The following ERC1 variants were observed in gnomAD, a reference collection of about 807,000 sequenced individuals.
The protein encoded by ERC1 is RAB6 interacting protein 2.
ERC1 carries 56 observed loss-of-function variants against 132.0 expected under a neutral mutation model. That is an observed-to-expected ratio of 0.42 (90% CI 0.34 to 0.53). The LOEUF (loss-of-function observed/expected upper bound fraction) is 0.53, where lower values mean the gene tolerates loss of function less well. Among genes scored for constraint, ERC1 ranks in the 20% least tolerant of loss-of-function variants. The probability of loss-of-function intolerance (pLI) is 0.03; values close to 1 mark genes in which losing one functional copy is unlikely to be tolerated. For missense variants in ERC1, 1,202 were observed against 1,349.9 expected (o/e 0.89, Z 1.72); for synonymous variants, 478 against 476.1 (o/e 1.00, Z -0.05).
chr12:1,263,496 A>G (rs1355638867), intron 14 of ERC1, among the ~76,000 whole-genome samples: 1 of 152,204 alleles, frequency 6.6e-6, no homozygotes, highest in African/African-American at 2.4e-5. Flanking sequence ...ATAAAGTTGT[A>G]TGAGAATTGA....
intron 15 of ERC1, among the ~76,000 whole-genome samples, chr12:1,334,821 A>C (rs1457226042): frequency 6.6e-6 from 1 of 152,190 alleles, no homozygotes; most frequent in Non-Finnish European, 1.5e-5. Context: ...TGCTTTGTTC[A>C]GTGTGGCCAT....
At chr12:1,242,959 G>A (rs977292030) in intron 13 of ERC1, among the ~76,000 whole-genome samples, 12 of 151,788 alleles carry the variant, frequency 7.9e-5, no homozygotes, top group Non-Finnish European at 1.5e-4. Context: ...AGGCCGAGGC[G>A]GGTGGATCAT....
chr12:1,249,440 CCT>C (rs562543528), intron 13 of ERC1, among the ~76,000 whole-genome samples: 1 of 152,172 alleles, frequency 6.6e-6, no homozygotes, highest in Non-Finnish European at 1.5e-5. Flanking sequence ...CTGCCTAAAT[CCT>C]CGCAGTTGGA....
intron 13 of ERC1, among the ~76,000 whole-genome samples, chr12:1,239,262 C>T (rs974507574): frequency 2.6e-5 from 4 of 152,168 alleles, no homozygotes; most frequent in African/African-American, 9.6e-5. Context: ...ACTATGTTGC[C>T]TTAGGCTGTT....
rs549365035 is a variant in ERC1 at position 1,451,438 on chromosome 12, C to T, written c.3213+6688C>T. ...GACTAGCCTGGACAACGGTGAAGCCCTTATCTCTACAAAAATTTAAATTTA... is the reference window on the plus strand; with the variant it reads ...GACTAGCCTGGACAACGGTGAAGCCTTTATCTCTACAAAAATTTAAATTTA... On this transcript the variant is annotated intron_variant, in intron 18 of 18. Coordinates refer to ENST00000360905, the MANE Select transcript of ERC1 (RefSeq NM_178040.4). Among the ~76,000 whole-genome samples the T allele has an allele frequency of 3.7e-3, 558 of 151,622 alleles. 5 individuals carry two copies. The highest frequency in any genetic ancestry group is 0.013 in the African/African-American group (523 of 41,024).
intron 15 of ERC1, among the ~76,000 whole-genome samples, chr12:1,307,071 T>C (rs2080937631): frequency 6.6e-6 from 1 of 152,200 alleles, no homozygotes; most frequent in African/African-American, 2.4e-5. Context: ...GTGTCTCATC[T>C]CTTTGATCGC....
chr12:1,007,540 C>CTGTGTGTG (rs10570281), intron 1 of ERC1, among the ~76,000 whole-genome samples: 236 of 122,676 alleles, frequency 1.9e-3, no homozygotes, highest in East Asian at 4.9e-3. Flanking sequence ...CTCTCTCTCT[C>CTGTGTGTG]TGTGTGTGTG....
intron 15 of ERC1, among the ~76,000 whole-genome samples, chr12:1,336,265 A>G (rs1347225205): frequency 6.7e-6 from 1 of 150,162 alleles, no homozygotes; most frequent in African/African-American, 2.4e-5. Context: ...GTTCACCTCT[A>G]ATTTTTATTT....
At chr12:1,460,354 G>A (rs1041167571) in intron 18 of ERC1, among the ~76,000 whole-genome samples, 1 of 152,174 alleles carries the variant, frequency 6.6e-6, no homozygotes. Context: ...CCAACCCCAA[G>A]GTAACACCCA....
intron 18 of ERC1, among the ~76,000 whole-genome samples, chr12:1,473,707 G>A (rs895203476): frequency 2.0e-5 from 3 of 151,668 alleles, no homozygotes; most frequent in Admixed American, 1.3e-4. Flanking sequence ...TACCACTTCC[G>A]GCCCACTTGC....
chr12:1,371,296 C>T (rs1405935423), intron 15 of ERC1, among the ~76,000 whole-genome samples: 1 of 152,122 alleles, frequency 6.6e-6, no homozygotes, highest in Non-Finnish European at 1.5e-5. Flanking sequence ...AGTATTTGTC[C>T]TTCTGTGACT....
At chr12:1,440,236 GCT>G (rs1491522259) in intron 17 of ERC1, among the ~76,000 whole-genome samples, 1 of 109,162 alleles carries the variant, frequency 9.2e-6, no homozygotes, top group East Asian at 2.6e-4. Flanking sequence ...ACAGAGTCTT[GCT>G]CTGTCGCCCA....
At chr12:1,226,729 T>G (rs1408629659) in intron 12 of ERC1, among the ~76,000 whole-genome samples, 1 of 152,174 alleles carries the variant, frequency 6.6e-6, no homozygotes. Flanking sequence ...CAGGCTGGAG[T>G]GCAGTGGCGT....
rs182658716 is a variant in ERC1, at chr12:1,082,230, G to A, written c.670-934G>A. On this transcript the variant is annotated intron_variant, in intron 2 of 18. Transcript: ENST00000360905. ...TTTAGTGGAGACGGGGTTTTACCACGTTGGCCAGGCTGGTCTTGAACTCCT... is the reference window on the plus strand; with the variant it reads ...TTTAGTGGAGACGGGGTTTTACCACATTGGCCAGGCTGGTCTTGAACTCCT... Among the ~76,000 whole-genome samples, 15 of 152,076 alleles carry A rather than the reference G, an allele frequency of 9.9e-5. No homozygotes were observed. In the East Asian group the frequency reaches 2.9e-3, roughly 30 times the overall value.
At chr12:1,312,962 C>A (rs1390094718) in intron 15 of ERC1, among the ~76,000 whole-genome samples, 1 of 152,058 alleles carries the variant, frequency 6.6e-6, no homozygotes, top group Admixed American at 6.5e-5. Context: ...ACTTAGGGTT[C>A]TCTTAGTTCA....
chr12:1,060,531 A>G (rs1463594306), intron 2 of ERC1, among the ~76,000 whole-genome samples: 1 of 152,140 alleles, frequency 6.6e-6, no homozygotes, highest in Non-Finnish European at 1.5e-5. Context: ...GCTGCATAGT[A>G]TTCCATGGTG....
At chr12:1,239,982 AC>A (rs1224792578) in intron 13 of ERC1, among the ~76,000 whole-genome samples, 1 of 152,208 alleles carries the variant, frequency 6.6e-6, no homozygotes. Flanking sequence ...ACCAGGAACC[AC>A]ATTTTGAAAA....
chr12:1,308,824 G>A (rs1430084078), intron 15 of ERC1, among the ~76,000 whole-genome samples: 4 of 152,206 alleles, frequency 2.6e-5, no homozygotes, highest in East Asian at 1.9e-4. Flanking sequence ...ACAGTGCTGC[G>A]GTCTGAATGG....
intron 2 of ERC1, among the ~76,000 whole-genome samples, chr12:1,029,127 G>A (rs1185823226): frequency 6.6e-6 from 1 of 152,138 alleles, no homozygotes; most frequent in East Asian, 1.9e-4. Flanking sequence ...GCCGAGGTGG[G>A]CGGATCATTG....
Sources: allele counts gnomAD v4.1 joint callset (sites outside exome capture counted in the v4.1 genomes callset), GRCh38; gene constraint gnomAD v4.1.1; transcripts MANE v1.5; gene names NCBI Gene and HGNC (gene_info 2026-07-23, HGNC 2026-07-21).